EGFR: variants seen among roughly 807,000 people sequenced by gnomAD.
EGFR encodes avian erythroblastic leukemia viral (v-erb-b) oncogene homolog.
A neutral mutation model predicts 143.0 loss-of-function variants in EGFR; 58 were observed. The observed-to-expected ratio is 0.41, with a 90% CI of 0.33 to 0.50. The LOEUF (loss-of-function observed/expected upper bound fraction) is 0.50, where lower values mean the gene tolerates loss of function less well. Among genes scored for constraint, EGFR ranks in the 20% least tolerant of loss-of-function variants. The pLI is 0.39. For missense variants in EGFR, 1,307 were observed against 1,579.0 expected (o/e 0.83, Z 2.92); for synonymous variants, 613 against 594.4 (o/e 1.03, Z -0.45).
At chr7:55,181,672 T>C in intron 20 of EGFR, 194 bp downstream of exon 20, 1 of 678,352 alleles carries the variant, frequency 1.5e-6, no homozygotes, top group Admixed American at 2.4e-5. Context: ...CCCATCTGCA[T>C]GTGGAAACTC....
intron 1 of EGFR, among the ~76,000 whole-genome samples, chr7:55,069,916 C>G (rs1300968893): frequency 6.6e-6 from 1 of 152,224 alleles, no homozygotes; most frequent in Non-Finnish European, 1.5e-5. Flanking sequence ...CACACATACA[C>G]ACAACCTTGT....
intron 1 of EGFR, among the ~76,000 whole-genome samples, chr7:55,027,831 A>T (rs1786981281): frequency 1.3e-5 from 2 of 152,092 alleles, no homozygotes; most frequent in Admixed American, 6.5e-5. Context: ...TAGAAGAGAC[A>T]TCTATGTTCT....
intron 1 of EGFR, among the ~76,000 whole-genome samples, chr7:55,086,526 T>C (rs1790769969): frequency 6.6e-6 from 1 of 152,240 alleles, no homozygotes; most frequent in Non-Finnish European, 1.5e-5. Flanking sequence ...TGACTTTTTT[T>C]CTTCTATGCT....
chr7:55,089,369 G>T (rs1790965363), intron 1 of EGFR, among the ~76,000 whole-genome samples: 1 of 151,978 alleles, frequency 6.6e-6, no homozygotes, highest in Non-Finnish European at 1.5e-5. Context: ...CCTGGCAGAG[G>T]GTGCCATTCA....
At chr7:55,089,542 T>G (rs1472036194) in intron 1 of EGFR, among the ~76,000 whole-genome samples, 1 of 152,238 alleles carries the variant, frequency 6.6e-6, no homozygotes, top group Non-Finnish European at 1.5e-5. Flanking sequence ...AATCCCATCC[T>G]TTCACACAAC....
chr7:55,129,559 G>C (rs1793717246), intron 1 of EGFR, among the ~76,000 whole-genome samples: 1 of 152,184 alleles, frequency 6.6e-6, no homozygotes, highest in South Asian at 2.1e-4. Flanking sequence ...GGGAAGGCAG[G>C]GGCCCTGGGT....
chr7:55,045,004 A>G (rs941070621), intron 1 of EGFR, among the ~76,000 whole-genome samples: 1 of 152,168 alleles, frequency 6.6e-6, no homozygotes, highest in Non-Finnish European at 1.5e-5. Flanking sequence ...CCATCTAGAA[A>G]GGCATGCAGA....
intron 1 of EGFR, among the ~76,000 whole-genome samples, chr7:55,106,952 A>G (rs918678110): frequency 6.6e-6 from 1 of 152,220 alleles, no homozygotes. Flanking sequence ...TTTCACAATA[A>G]ACATCCTAAA....
At position 55,209,685 on chromosome 7, in the gene EGFR, C is replaced by T. The variant is rs1788192473; in HGVS notation, c.*4068C>T. On this transcript the variant is annotated 3_prime_UTR_variant, in exon 28 of 28. Transcript: ENST00000275493. The stretch of plus-strand genomic sequence containing the variant: ...TCTTTCACCAGCCACACCTGCCATA[C>T]CAGGGGTACAGCTTTGTACTATTGA... The T allele has an allele frequency of 6.6e-6, 1 of 152,212 alleles. No homozygotes were observed. The highest frequency in any genetic ancestry group is 1.5e-5 in the Non-Finnish European group (1 of 68,032). The allele number at this position is 152,212 out of a possible 1,614,324, so 9.4% of individuals were successfully genotyped here. A position where few individuals can be genotyped will look rare whatever the true frequency, so the allele number is the denominator to read the frequency against.
chr7:55,042,634 A>G (rs1787960269), intron 1 of EGFR, among the ~76,000 whole-genome samples: 2 of 150,422 alleles, frequency 1.3e-5, no homozygotes, highest in Admixed American at 1.4e-4. Flanking sequence ...CGAGGTCGTT[A>G]TAAAGCTCGA....
Position 55,135,444 on chromosome 7 carries a change from A to G in EGFR, c.89-6842A>G, listed in dbSNP as rs181215416. Among the ~76,000 whole-genome samples the G allele has an allele frequency of 1.6e-3, 244 of 152,184 alleles. 1 individual carries two copies. The highest frequency in any genetic ancestry group is 5.6e-3 in the African/African-American group (234 of 41,544). ...TTTTCAAGTTCCAATATAGATTCAC[A>G]TTCAGTTTGACAGGTATCTTTGGAT... On this transcript the variant is annotated intron_variant, in intron 1 of 27. Coordinates refer to ENST00000275493, the MANE Select transcript of EGFR (RefSeq NM_005228.5).
intron 1 of EGFR, among the ~76,000 whole-genome samples, chr7:55,079,851 AGGAGGG>A (rs1156923463): frequency 1.3e-5 from 2 of 152,198 alleles, no homozygotes; most frequent in African/African-American, 2.4e-5. Flanking sequence ...GGCTCTTGCC[AGGAGGG>A]GCATTTGTAT....
At chr7:55,116,153 A>T (rs1312202848) in intron 1 of EGFR, among the ~76,000 whole-genome samples, 1 of 152,218 alleles carries the variant, frequency 6.6e-6, no homozygotes, top group African/African-American at 2.4e-5. Context: ...GCTTGACAAC[A>T]TCGATTCAAA....
At chr7:55,100,038 G>A (rs1021435959) in intron 1 of EGFR, among the ~76,000 whole-genome samples, 4 of 152,172 alleles carry the variant, frequency 2.6e-5, no homozygotes, top group African/African-American at 4.8e-5. Context: ...GCAGACTGCC[G>A]CCAGTCTTGT....
chr7:55,025,687 C>A (rs1445429730), intron 1 of EGFR, among the ~76,000 whole-genome samples: 1 of 152,178 alleles, frequency 6.6e-6, no homozygotes, highest in Non-Finnish European at 1.5e-5. Context: ...AGAACAAGTT[C>A]TCCTCTCACA....
rs759834645 is a variant in EGFR, at chr7:55,154,155, G to A, written c.889+3G>A. ...CACCTGCGTGAAGAAGTGTCCCCGT[G>A]AGTCCTCCTCTGTGGGCCCTCTAAC... On this transcript the variant is annotated splice_donor_region_variant and intron_variant, in intron 7 of 27. Coordinates refer to ENST00000275493, the MANE Select transcript of EGFR (RefSeq NM_005228.5). 8.1e-6 allele frequency: 13 copies of A among 1,614,228 alleles called. No individual in the cohort carries two copies. Among genetic ancestry groups the A allele is most frequent in the Middle Eastern group, 1.6e-4 (1 of 6,062 alleles).
At chr7:55,190,343 C>T (rs111383995) in intron 20 of EGFR, among the ~76,000 whole-genome samples, 1,911 of 152,138 alleles carry the variant, frequency 0.013, 51 homozygotes, top group African/African-American at 0.043. Flanking sequence ...CGTCTCTTTT[C>T]CAAAAGAGAA....
At chr7:55,172,253 C>T (rs1482614870) in intron 16 of EGFR, among the ~76,000 whole-genome samples, 5 of 152,206 alleles carry the variant, frequency 3.3e-5, no homozygotes, top group Non-Finnish European at 5.9e-5. Context: ...TATGGATATG[C>T]GCTCCATAGC....
At chr7:55,042,841 T>C in intron 1 of EGFR, among the ~76,000 whole-genome samples, 1 of 152,224 alleles carries the variant, frequency 6.6e-6, no homozygotes, top group East Asian at 1.9e-4. Context: ...AGTTTACCTC[T>C]GGAAATGGAA....
Sources: allele counts gnomAD v4.1 joint callset (sites outside exome capture counted in the v4.1 genomes callset), GRCh38; gene constraint gnomAD v4.1.1; transcripts MANE v1.5; gene names NCBI Gene and HGNC (gene_info 2026-07-23, HGNC 2026-07-21).